ZFP36L2: variants seen among roughly 807,000 people sequenced by gnomAD.
ZFP36L2 encodes the protein mRNA decay activator protein ZFP36L2.
Under a neutral mutation model 27.9 loss-of-function variants are expected in ZFP36L2, and 16 were observed. The observed-to-expected ratio is 0.57, with a 90% confidence interval of 0.39 to 0.87. ZFP36L2 has a LOEUF of 0.87. ZFP36L2 is among the 40% of genes least tolerant of loss of function. ZFP36L2 has a pLI of 0.00. For synonymous variants in ZFP36L2, 600 were observed against 363.8 expected, an observed-to-expected ratio of 1.65 and a Z score of -7.39; for missense variants, 989 against 726.9, an observed-to-expected ratio of 1.36 and a Z score of -4.15.
rs3209872 is a variant in ZFP36L2 at position 43,224,105 on chromosome 2, T to A, written c.*214A>T. On this transcript the variant is annotated 3_prime_UTR_variant, in exon 2 of 2. Coordinates refer to ENST00000282388, the MANE Select transcript of ZFP36L2 (RefSeq NM_006887.5). ...AAAGAATGAAACTTCGTAATAAAAA[T>A]AAAAAAAAAAAGACAAGAGGAAACC... 1.1e-3 allele frequency: 309 copies of A among 290,146 alleles called. No homozygotes were observed. The highest frequency in any genetic ancestry group is 4.6e-3 in the African/African-American group (155 of 33,640). 18.0% of individuals were successfully genotyped at this position (290,146 alleles called of 1,614,324 possible).
chr2:43,225,069 G>A lies in ZFP36L2; in HGVS notation c.735C>T (p.Gly245=), dbSNP rs1667059322. ...ACTTGGGCCGCGGCTCCCGCGGGAA[G>A]CCCAGGTGCAACGCATCGCGCGTGC... ...AFGTRDALHL[G]FPREPRPKLH... Residue 245 remains glycine (G), a synonymous_variant, in exon 2 of 2, where the codon GGC becomes GGT. Coordinates refer to ENST00000282388, the MANE Select transcript of ZFP36L2 (RefSeq NM_006887.5). 4 of 1,594,848 alleles carry A rather than the reference G, an allele frequency of 2.5e-6. No individual in the cohort carries two copies. Among genetic ancestry groups the A allele is most frequent in the Admixed American group, 1.7e-5 (1 of 59,758 alleles).
At position 43,226,531 on chromosome 2, in the gene ZFP36L2, G is replaced by A. The variant is rs1572683570; in HGVS notation, c.-216C>T. On this transcript the variant is annotated 5_prime_UTR_variant, in exon 1 of 2. Coordinates refer to ENST00000282388, the MANE Select transcript of ZFP36L2 (RefSeq NM_006887.5). Reference sequence around the variant, plus strand: ...CAGGGGGGAAGGAGAGAAGCGAGGAGCGCTCCTCCGCGCCCCGGGGTGCCC... The same window carrying A: ...CAGGGGGGAAGGAGAGAAGCGAGGAACGCTCCTCCGCGCCCCGGGGTGCCC... 1.8e-6 allele frequency: 1 copy of A among 542,666 alleles called. No individual in the cohort carries two copies. The highest frequency in any genetic ancestry group is 4.1e-5 in the Admixed American group (1 of 24,118). The allele number at this position is 542,666 out of a possible 1,614,324, so 33.6% of individuals were successfully genotyped here.
chr2:43,225,373 C>T lies in ZFP36L2; in HGVS notation c.431G>A (p.Gly144Asp), dbSNP rs751290846. 2.5e-6 allele frequency: 4 copies of T among 1,613,572 alleles called. No individual in the cohort carries two copies. The highest frequency in any genetic ancestry group is 1.7e-5 in the Admixed American group (1 of 60,012). Residue 144 changes from glycine (G) to aspartate (D), a missense_variant, in exon 2 of 2, where the codon GGC becomes GAC. Transcript: ENST00000282388. The part of the protein sequence containing the change: ...LLHLQQQQKG[G>D]GGSQINSTRY... Reference sequence around the variant, plus strand: ...CGTGGAGTTGATCTGGGAGCCGCCGCCCCCCTTCTGCTGCTGCTGCAGGTG... The same window carrying T: ...CGTGGAGTTGATCTGGGAGCCGCCGTCCCCCTTCTGCTGCTGCTGCAGGTG...
chr2:43,226,284 T>G lies in ZFP36L2; in HGVS notation c.32A>C (p.Asp11Ala), dbSNP rs1315275366. MSTTLLSAFY[D>A]VDFLCKTEKS... ...GCCTACCTTGCACAAGAAGTCGACA[T>G]CGTAGAAGGCGGACAGAAGTGTGGT... The change falls in exon 1 of 2, where the codon GAT becomes GCT. Residue 11 changes from aspartate (D) to alanine (A), a missense_variant. Physicochemically the swap from Asp to Ala is moderately radical, Grantham distance 126. Transcript: ENST00000282388. 1 of 1,588,550 alleles carries G rather than the reference T, an allele frequency of 6.3e-7. No homozygotes were observed. Among genetic ancestry groups the G allele is most frequent in the Non-Finnish European group, 8.6e-7 (1 of 1,166,682 alleles).
Position 43,225,668 on chromosome 2 carries a change from A to C in ZFP36L2, c.136T>G (p.Ser46Ala), listed in dbSNP as rs1667080448. 1 of 1,588,348 alleles carries C rather than the reference A, an allele frequency of 6.3e-7. No homozygotes were observed. Among genetic ancestry groups the C allele is most frequent in the Admixed American group, 1.7e-5 (1 of 58,796 alleles). Residue 46 changes from serine to alanine, a missense_variant, in exon 2 of 2, where the codon TCG (serine) becomes GCG (alanine). Physicochemically the swap from Ser to Ala is moderately conservative, Grantham distance 99. Transcript: ENST00000282388. ...VGTPVAAAPS[S>A]GFAPGFLRRH... ...CGGAGGAATCCCGGCGCGAAGCCCGAGCTGGGGGCGGCGGCCACAGGCGTC... is the reference window on the plus strand; with the variant it reads ...CGGAGGAATCCCGGCGCGAAGCCCGCGCTGGGGGCGGCGGCCACAGGCGTC...
chr2:43,224,290 C>A lies in ZFP36L2; in HGVS notation c.*29G>T. On this transcript the variant is annotated 3_prime_UTR_variant, in exon 2 of 2. Coordinates refer to ENST00000282388, the MANE Select transcript of ZFP36L2 (RefSeq NM_006887.5). ...TCCTCCAACATCTCTGAACCGCCTT[C>A]CCTTCCTCCTCACTGGCGCCCTCTT... 1 of 1,530,286 alleles carries A rather than the reference C, an allele frequency of 6.5e-7. No individual in the cohort carries two copies. Among genetic ancestry groups the A allele is most frequent in the South Asian group, 1.2e-5 (1 of 83,484 alleles). The allele number at this position is 1,530,286 out of a possible 1,614,324, so 94.8% of individuals were successfully genotyped here.
rs2103973364 is a variant in ZFP36L2 at position 43,223,787 on chromosome 2, T to TA, written c.*531dup. 6.5e-6 allele frequency: 1 copy of TA among 152,990 alleles called. No individual in the cohort carries two copies. Among genetic ancestry groups the TA allele is most frequent in the East Asian group, 1.9e-4 (1 of 5,342 alleles). The allele number at this position is 152,990 out of a possible 1,614,324, so 9.5% of individuals were successfully genotyped here. On this transcript the variant is annotated 3_prime_UTR_variant, in exon 2 of 2. Transcript: ENST00000282388. Reference sequence around the variant, plus strand: ...AATATATTGGATTTTAAAAAGCTTATAGGTTTAGCAAGGTGGCGGCTGGCT... The same window carrying TA: ...AATATATTGGATTTTAAAAAGCTTATAAGGTTTAGCAAGGTGGCGGCTGGCT...
Position 43,224,575 on chromosome 2 carries a change from G to A in ZFP36L2, c.1229C>T (p.Pro410Leu). 1.5e-6 allele frequency: 2 copies of A among 1,335,888 alleles called. No homozygotes were observed. Among genetic ancestry groups the A allele is most frequent in the Non-Finnish European group, 1.9e-6 (2 of 1,050,010 alleles). 82.8% of individuals were successfully genotyped at this position (1,335,888 alleles called of 1,614,324 possible). The change falls in exon 2 of 2, where the codon CCG becomes CTG. Residue 410 changes from proline to leucine, a missense_variant. Coordinates refer to ENST00000282388, the MANE Select transcript of ZFP36L2 (RefSeq NM_006887.5). ...QQGLAPPAQP[P>L]APPSATLPAG... is the part of the protein sequence containing the mutation. ...GGGGAGGGTCGCGCTGGGCGGCGCC[G>A]GCGGCTGCGCGGGGGGCGCCAGGCC...
In ZFP36L2 at chr2:43,224,600, C is replaced by CCTG. The variant is rs556928050; in HGVS notation, c.1201_1203dup (p.Gln401dup). On this transcript the variant is annotated inframe_insertion, in exon 2 of 2. Transcript: ENST00000282388. ...GGCGGCTGCGCGGGGGGCGCCAGGC[C>CCTG]CTGCTGCTGCTGCTGCTGCTGACTG... The CCTG allele has an allele frequency of 4.4e-4, 626 of 1,413,946 alleles. No individual in the cohort carries two copies. The highest frequency in any genetic ancestry group is 9.1e-4 in the South Asian group (61 of 67,264). 87.6% of individuals were successfully genotyped at this position (1,413,946 alleles called of 1,614,324 possible).
Position 43,226,547 on chromosome 2 carries a change from C to A in ZFP36L2, c.-232G>T, listed in dbSNP as rs953146005. 1 of 517,034 alleles carries A rather than the reference C, an allele frequency of 1.9e-6. No homozygotes were observed. The highest frequency in any genetic ancestry group is 3.3e-6 in the Non-Finnish European group (1 of 298,922). The allele number at this position is 517,034 out of a possible 1,614,324, so 32.0% of individuals were successfully genotyped here. On this transcript the variant is annotated 5_prime_UTR_variant, in exon 1 of 2. Transcript: ENST00000282388. The stretch of plus-strand genomic sequence containing the variant: ...AAGCGAGGAGCGCTCCTCCGCGCCC[C>A]GGGGTGCCCGGCCCGCCCCCCCCGC...
chr2:43,224,528 A>AG lies in ZFP36L2; in HGVS notation c.1275dup (p.Ser426LeufsTer48). On this transcript the variant is annotated frameshift_variant, in exon 2 of 2. Transcript: ENST00000282388. LOFTEE classifies it high-confidence loss of function. The stretch of plus-strand genomic sequence containing the variant: ...GGCAGCTGGAAGCTGAAGGGCGGCG[A>AG]GGGAGGTGCGGCGGCCCCGGCGGGG... 6.8e-7 allele frequency: 1 copy of AG among 1,469,120 alleles called. No individual in the cohort carries two copies. The highest frequency in any genetic ancestry group is 9.0e-7 in the Non-Finnish European group (1 of 1,115,466). The allele number at this position is 1,469,120 out of a possible 1,614,324, so 91.0% of individuals were successfully genotyped here.
rs3891207 is a variant in ZFP36L2 at position 43,224,820 on chromosome 2, C to T, written c.984G>A (p.Ala328=). 4.2e-6 allele frequency: 6 copies of T among 1,420,688 alleles called. No individual in the cohort carries two copies. Among genetic ancestry groups the T allele is most frequent in the Admixed American group, 3.5e-5 (1 of 28,902 alleles). 88.0% of individuals were successfully genotyped at this position (1,420,688 alleles called of 1,614,324 possible). A position where few individuals can be genotyped will look rare whatever the true frequency, so the allele number is the denominator to read the frequency against. ...TGCCGTACAGCAGAGCGGCCGCAGC[C>T]GCGGCCGCCGCGGAGGCGCAGCATG... The part of the protein sequence containing the change: ...APTCCASAAA[A]AAAALLYGTG... Residue 328 remains alanine, a synonymous_variant, in exon 2 of 2, where the codon GCG becomes GCA. Transcript: ENST00000282388.
rs760382174 is a variant in ZFP36L2, at chr2:43,225,585, G to A, written c.219C>T (p.Ser73=). The change falls in exon 2 of 2, where the codon AGC becomes AGT. Residue 73 remains serine, a synonymous_variant. Coordinates refer to ENST00000282388, the MANE Select transcript of ZFP36L2 (RefSeq NM_006887.5). ...ALAHPAPSPG[S]CSPKFPGAAN... The stretch of plus-strand genomic sequence containing the variant: ...CGGCGCCCGGGAACTTGGGCGAGCA[G>A]CTGCCGGGGCTGGGCGCGGGGTGGG... The A allele has an allele frequency of 1.9e-6, 3 of 1,558,976 alleles. No homozygotes were observed. The highest frequency in any genetic ancestry group is 8.6e-7 in the Non-Finnish European group (1 of 1,158,282).
Position 43,225,330 on chromosome 2 carries a change from C to G in ZFP36L2, c.474G>C (p.Leu158=). 1.2e-6 allele frequency: 2 copies of G among 1,613,364 alleles called. No individual in the cohort carries two copies. The highest frequency in any genetic ancestry group is 1.7e-6 in the Non-Finnish European group (2 of 1,179,990). Residue 158 remains leucine, a synonymous_variant, in exon 2 of 2, where the codon CTG becomes CTC. Coordinates refer to ENST00000282388, the MANE Select transcript of ZFP36L2 (RefSeq NM_006887.5). ...TGCCGCTCTCCTCGAAGGGCCGGCA[C>G]AGCTCGGTCTTGTAGCGCGTGGAGT... ...QINSTRYKTE[L]CRPFEESGTC...
chr2:43,226,486 G>A lies in ZFP36L2; in HGVS notation c.-171C>T. On this transcript the variant is annotated 5_prime_UTR_variant, in exon 1 of 2. Coordinates refer to ENST00000282388, the MANE Select transcript of ZFP36L2 (RefSeq NM_006887.5). ...CGAGTGCAGCGGCGCGGGCCGGCGG[G>A]AGGGTCCGGCGGAGTGCGGCAGGGG... 2 of 824,440 alleles carry A rather than the reference G, an allele frequency of 2.4e-6. No homozygotes were observed. The highest frequency in any genetic ancestry group is 1.6e-5 in the South Asian group (1 of 62,780). The allele number at this position is 824,440 out of a possible 1,614,324, so 51.1% of individuals were successfully genotyped here.
rs532451286 is a variant in ZFP36L2, at chr2:43,224,004, T to C, written c.*315A>G. On this transcript the variant is annotated 3_prime_UTR_variant, in exon 2 of 2. Transcript: ENST00000282388. ...CAAAGTTTAAGTGTTTTTTTTTTTT[T>C]TTTGTTCTATTCGTATCACAACTGC... 4.0e-6 allele frequency: 1 copy of C among 248,684 alleles called. No individual in the cohort carries two copies. The highest frequency in any genetic ancestry group is 7.2e-5 in the East Asian group (1 of 13,898). The allele number at this position is 248,684 out of a possible 1,614,324, so 15.4% of individuals were successfully genotyped here. A position where few individuals can be genotyped will look rare whatever the true frequency, so the allele number is the denominator to read the frequency against.
rs1667015573 is a variant in ZFP36L2 at position 43,223,683 on chromosome 2, C to T, written c.*636G>A. ...TTTGGAATGCAAGGGTTTTTTCACC[C>T]CCAGACATATATAATTCTGTTAAAA... is the stretch of plus-strand genomic sequence containing the variant. On this transcript the variant is annotated 3_prime_UTR_variant, in exon 2 of 2. Transcript: ENST00000282388. 1 of 152,154 alleles carries T rather than the reference C, an allele frequency of 6.6e-6. No individual in the cohort carries two copies. 9.4% of individuals were successfully genotyped at this position (152,154 alleles called of 1,614,324 possible). A position where few individuals can be genotyped will look rare whatever the true frequency, so the allele number is the denominator to read the frequency against.
At position 43,224,227 on chromosome 2, in the gene ZFP36L2, C is replaced by T. The variant is rs1234211405; in HGVS notation, c.*92G>A. The T allele has an allele frequency of 1.5e-6, 2 of 1,338,340 alleles. No homozygotes were observed. The highest frequency in any genetic ancestry group is 9.8e-7 in the Non-Finnish European group (1 of 1,022,796). 82.9% of individuals were successfully genotyped at this position (1,338,340 alleles called of 1,614,324 possible). On this transcript the variant is annotated 3_prime_UTR_variant, in exon 2 of 2. Transcript: ENST00000282388. ...CCTAGGGCCCATGTCACCCCCCCCA[C>T]TCCCGTGCCCCCAGCAAGGGCGAGA...
rs1667112721 is a variant in ZFP36L2 at position 43,226,561 on chromosome 2, CG to C, written c.-247del. Reference sequence around the variant, plus strand: ...CCTCCGCGCCCCGGGGTGCCCGGCCCGCCCCCCCCGCGGAGCCGACGGCAGC... The same window carrying C: ...CCTCCGCGCCCCGGGGTGCCCGGCCCCCCCCCCCGCGGAGCCGACGGCAGC... On this transcript the variant is annotated 5_prime_UTR_variant, in exon 1 of 2. Transcript: ENST00000282388. The C allele has an allele frequency of 4.0e-6, 2 of 505,956 alleles. No homozygotes were observed. Among genetic ancestry groups the C allele is most frequent in the Non-Finnish European group, 3.4e-6 (1 of 290,748 alleles). The allele number at this position is 505,956 out of a possible 1,614,324, so 31.3% of individuals were successfully genotyped here.
Sources: allele counts gnomAD v4.1 joint callset, GRCh38; gene constraint gnomAD v4.1.1; transcripts MANE v1.5; gene names NCBI Gene and HGNC (gene_info 2026-07-23, HGNC 2026-07-21).